RYR3: variants seen among roughly 807,000 people sequenced by gnomAD.
RYR3 encodes the protein brain ryanodine receptor-calcium release channel.
In RYR3, 207 loss-of-function variants were observed where a neutral mutation model predicts 584.3. That is an observed-to-expected ratio of 0.35 (90% CI 0.32 to 0.40). The LOEUF is 0.40. RYR3 is among the 10% of genes least tolerant of loss of function. The pLI, the probability that RYR3 is intolerant of heterozygous loss-of-function variation, is 1.00. For synonymous variants in RYR3, 2,416 were observed against 2,248.5 expected (o/e 1.07, Z -2.11); for missense variants, 5,616 against 6,089.2 (o/e 0.92, Z 2.59).
chr15:33,790,103 T>C (rs1417132782), intron 67 of RYR3, among the ~76,000 whole-genome samples: 3 of 144,722 alleles, frequency 2.1e-5, no homozygotes, highest in African/African-American at 5.1e-5. Flanking sequence ...GCCATTCTCC[T>C]CCTCAACCTT....
chr15:33,603,060 G>T (rs1461097528), intron 17 of RYR3, 63 bp from the exon 18 acceptor site: 2 of 1,587,048 alleles, frequency 1.3e-6, no homozygotes, highest in Non-Finnish European at 1.7e-6. Flanking sequence ...CTATGGTCTG[G>T]TTCAACTTGC....
At chr15:33,814,832 C>T (rs1457558818) in intron 74 of RYR3, among the ~76,000 whole-genome samples, 1 of 143,302 alleles carries the variant, frequency 7.0e-6, no homozygotes, top group Non-Finnish European at 1.5e-5. Flanking sequence ...ACCCAGGAGG[C>T]GGAGGTTACA....
At chr15:33,354,559 G>T (rs995873044) in intron 1 of RYR3, among the ~76,000 whole-genome samples, 1 of 152,192 alleles carries the variant, frequency 6.6e-6, no homozygotes. Flanking sequence ...CTCTTGACTT[G>T]TTATTATTCA....
intron 42 of RYR3, 116 bp downstream of exon 42, chr15:33,701,196 T>C (rs2066277520): frequency 3.1e-6 from 2 of 650,026 alleles, no homozygotes; most frequent in Non-Finnish European, 2.7e-6. Context: ...CTTGGTGGGC[T>C]TGTAGGGAAA....
intron 16 of RYR3, among the ~76,000 whole-genome samples, chr15:33,599,872 G>C (rs1221822808): frequency 6.6e-6 from 1 of 152,160 alleles, no homozygotes; most frequent in Non-Finnish European, 1.5e-5. Flanking sequence ...GCTCTGTTAG[G>C]CTGTGTGCTT....
intron 67 of RYR3, among the ~76,000 whole-genome samples, chr15:33,796,526 G>A (rs1352234361): frequency 2.0e-5 from 3 of 152,120 alleles, no homozygotes; most frequent in Non-Finnish European, 4.4e-5. Flanking sequence ...TCCTGTGACT[G>A]TGCTCAGTTA....
At chr15:33,332,999 A>T (rs1284673316) in intron 1 of RYR3, among the ~76,000 whole-genome samples, 1 of 142,962 alleles carries the variant, frequency 7.0e-6, no homozygotes, top group Admixed American at 7.5e-5. Flanking sequence ...ATAAAACTTT[A>T]TTTAAGAAAA....
rs973444952 is a variant in RYR3, at chr15:33,525,201, C to T, written c.280-5391C>T. Among the ~76,000 whole-genome samples the T allele has an allele frequency of 8.5e-5, 13 of 152,300 alleles. No homozygotes were observed. In the East Asian group the frequency reaches 2.5e-3, roughly 29 times the overall value. On this transcript the variant is annotated intron_variant, in intron 3 of 103. Transcript: ENST00000634891. ...TCTCACAGAGACTTGTGCTTAATAA[C>T]CCCGCCTTTCTCCTGTTGTACTGAA...
intron 1 of RYR3, among the ~76,000 whole-genome samples, chr15:33,451,284 C>T (rs1183301288): frequency 6.6e-6 from 1 of 152,136 alleles, no homozygotes; most frequent in Admixed American, 6.5e-5. Context: ...CAAACGGGCA[C>T]CCTGTTCTGC....
chr15:33,415,553 T>G (rs1341637829), intron 1 of RYR3, among the ~76,000 whole-genome samples: 1 of 150,512 alleles, frequency 6.6e-6, no homozygotes, highest in Non-Finnish European at 1.5e-5. Context: ...AATAGAGAAG[T>G]GTACCAGTGC....
At chr15:33,515,531 C>A (rs944278874) in intron 3 of RYR3, among the ~76,000 whole-genome samples, 1 of 152,250 alleles carries the variant, frequency 6.6e-6, no homozygotes, top group South Asian at 2.1e-4. Context: ...TTCAGTCTTT[C>A]CTATGGCACA....
chr15:33,669,863 G>T (rs200568966), intron 37 of RYR3, among the ~76,000 whole-genome samples: 4 of 49,580 alleles, frequency 8.1e-5, no homozygotes, highest in Admixed American at 2.5e-4. Flanking sequence ...GGGGGGTGTG[G>T]GTGTGTGGGT....
At position 33,644,408 on chromosome 15, in the gene RYR3, C is replaced by T; in HGVS notation, c.3654C>T (p.Leu1218=). The change falls in exon 28 of 104, where the codon CTC becomes CTT. Residue 1218 remains leucine (L), a synonymous_variant. Coordinates refer to ENST00000634891, the MANE Select transcript of RYR3 (RefSeq NM_001036.6). ...TCAAGTTTTATACCATGTGCGGTCT[C>T]CAAGAGGGCTTTGAGCCTTTTGCTG... ...STFKFYTMCG[L]QEGFEPFAVN... 3 of 1,613,766 alleles carry T rather than the reference C, an allele frequency of 1.9e-6. No individual in the cohort carries two copies. The highest frequency in any genetic ancestry group is 2.5e-6 in the Non-Finnish European group (3 of 1,179,776).
chr15:33,643,028 T>C (rs1459185191), intron 27 of RYR3, among the ~76,000 whole-genome samples: 2 of 152,266 alleles, frequency 1.3e-5, no homozygotes, highest in Non-Finnish European at 2.9e-5. Context: ...CATAGAAATT[T>C]CGTGGCTTAG....
At chr15:33,727,133 G>A (rs1257109050) in intron 46 of RYR3, among the ~76,000 whole-genome samples, 9 of 152,170 alleles carry the variant, frequency 5.9e-5, no homozygotes, top group African/African-American at 1.9e-4. Flanking sequence ...GGGCACAGAC[G>A]GGCCCCCACA....
intron 1 of RYR3, among the ~76,000 whole-genome samples, chr15:33,431,469 A>G (rs75980285): frequency 0.017 from 2,563 of 152,272 alleles, 70 homozygotes; most frequent in African/African-American, 0.056. Flanking sequence ...TACTTCTGAA[A>G]AGGAAGAGAG....
chr15:33,646,296 T>C (rs2062097869), intron 28 of RYR3, 55 bp from the exon 29 acceptor site: 21 of 1,479,002 alleles, frequency 1.4e-5, no homozygotes, highest in Non-Finnish European at 1.7e-5. Context: ...AAAAAGGGAC[T>C]GGGTCAAGGT....
At chr15:33,409,186 G>A (rs542840299) in intron 1 of RYR3, among the ~76,000 whole-genome samples, 2 of 152,254 alleles carry the variant, frequency 1.3e-5, no homozygotes, top group African/African-American at 4.8e-5. Context: ...TGTACTCGGA[G>A]ATAAGAAATA....
intron 2 of RYR3, among the ~76,000 whole-genome samples, chr15:33,482,402 G>T (rs1198152964): frequency 6.6e-6 from 1 of 151,846 alleles, no homozygotes; most frequent in African/African-American, 2.4e-5. Context: ...TAGCAATTTG[G>T]TTTTTGTTGT....
Sources: gnomAD v4.1 joint callset for allele counts (sites outside exome capture counted in the v4.1 genomes callset) on GRCh38, gnomAD v4.1.1 for gene constraint, MANE v1.5 for transcripts, NCBI Gene and HGNC (gene_info 2026-07-23, HGNC 2026-07-21) for gene names.